ST6GALNAC3: variants seen among roughly 807,000 people sequenced by gnomAD.
The protein encoded by ST6GALNAC3 is alpha-N-acetylgalactosaminide alpha-2,6-sialyltransferase 3.
A neutral mutation model predicts 32.7 loss-of-function variants in ST6GALNAC3; 25 were observed. That is an observed-to-expected ratio of 0.76 (90% CI 0.56 to 1.07). The LOEUF is 1.07. Among genes scored for constraint, ST6GALNAC3 ranks in the 50% least tolerant of loss-of-function variants. The probability of loss-of-function intolerance (pLI) is 0.00; values close to 1 mark genes in which losing one functional copy is unlikely to be tolerated. For synonymous variants in ST6GALNAC3, 129 were observed against 133.1 expected, an observed-to-expected ratio of 0.97 and a Z score of 0.21; for missense variants, 355 against 382.4, an observed-to-expected ratio of 0.93 and a Z score of 0.60.
At chr1:76,556,846 C>T (rs536543366) in intron 3 of ST6GALNAC3, among the ~76,000 whole-genome samples, 1 of 152,188 alleles carries the variant, frequency 6.6e-6, no homozygotes, top group East Asian at 1.9e-4. Context: ...TGCCAGTGTG[C>T]TTTGAACACA....
At chr1:76,551,720 C>T (rs1323910663) in intron 3 of ST6GALNAC3, among the ~76,000 whole-genome samples, 1 of 152,164 alleles carries the variant, frequency 6.6e-6, no homozygotes, top group Non-Finnish European at 1.5e-5. Context: ...ATTTACGATA[C>T]ATTTTTGTAA....
intron 3 of ST6GALNAC3, among the ~76,000 whole-genome samples, chr1:76,484,450 T>C (rs1383072215): frequency 2.6e-5 from 4 of 152,274 alleles, no homozygotes; most frequent in Admixed American, 1.3e-4. Flanking sequence ...CCCTTGTAAG[T>C]TGGATTTCTA....
At chr1:76,590,033 C>G (rs1647023324) in intron 3 of ST6GALNAC3, among the ~76,000 whole-genome samples, 1 of 152,070 alleles carries the variant, frequency 6.6e-6, no homozygotes, top group Non-Finnish European at 1.5e-5. Flanking sequence ...TAATTCTGGC[C>G]AGGTTCAATG....
At chr1:76,357,802 C>A (rs1324719224) in intron 2 of ST6GALNAC3, among the ~76,000 whole-genome samples, 3 of 152,096 alleles carry the variant, frequency 2.0e-5, no homozygotes, top group African/African-American at 4.8e-5. Flanking sequence ...TTTTCAATGG[C>A]CTAGTTTTTC....
In ST6GALNAC3 at chr1:76,630,612, G is replaced by A. The variant is rs1478380295; in HGVS notation, c.*1806G>A. The A allele has an allele frequency of 2.0e-6, 2 of 985,464 alleles. No individual in the cohort carries two copies. The highest frequency in any genetic ancestry group is 6.2e-5 in the Admixed American group (1 of 16,204). The allele number at this position is 985,464 out of a possible 1,614,324, so 61.0% of individuals were successfully genotyped here. ...CATTTCACTTCAGAAGCACTTGTAG[G>A]TCTTTACTAGTGCTAAGTATTATGG... On this transcript the variant is annotated 3_prime_UTR_variant, in exon 5 of 5. Transcript: ENST00000328299.
chr1:76,423,447 A>G (rs908337781), intron 3 of ST6GALNAC3, among the ~76,000 whole-genome samples: 1 of 151,942 alleles, frequency 6.6e-6, no homozygotes, highest in Non-Finnish European at 1.5e-5. Context: ...AGAAGGTGGT[A>G]TGAGGGAAGC....
chr1:76,429,037 G>A (rs970051924), intron 3 of ST6GALNAC3, among the ~76,000 whole-genome samples: 2 of 152,058 alleles, frequency 1.3e-5, no homozygotes, highest in Admixed American at 1.3e-4. Context: ...AAGTTTCTCA[G>A]ATTGTGTCAT....
At chr1:76,132,220 G>T (rs1375923077) in intron 1 of ST6GALNAC3, among the ~76,000 whole-genome samples, 1 of 152,182 alleles carries the variant, frequency 6.6e-6, no homozygotes, top group Non-Finnish European at 1.5e-5. Flanking sequence ...TTTTTAAAAG[G>T]AGTCAGAATA....
chr1:76,447,873 G>C (rs1657098589), intron 3 of ST6GALNAC3, among the ~76,000 whole-genome samples: 1 of 152,118 alleles, frequency 6.6e-6, no homozygotes, highest in South Asian at 2.1e-4. Flanking sequence ...TGCTGCAGGG[G>C]TGGAGAACCT....
At chr1:76,119,869 GGCAGGTCC>G (rs936817366) in intron 1 of ST6GALNAC3, among the ~76,000 whole-genome samples, 2 of 107,496 alleles carry the variant, frequency 1.9e-5, no homozygotes, top group Admixed American at 2.0e-4. Flanking sequence ...GTCCTTAACT[GGCAGGTCC>G]GTGGGACTGT....
At chr1:76,261,522 T>G (rs993937694) in intron 1 of ST6GALNAC3, among the ~76,000 whole-genome samples, 1 of 152,202 alleles carries the variant, frequency 6.6e-6, no homozygotes, top group Non-Finnish European at 1.5e-5. Context: ...TCCCTACCAC[T>G]TACCTGCCAC....
chr1:76,439,998 T>C (rs1180525301), intron 3 of ST6GALNAC3, among the ~76,000 whole-genome samples: 2 of 152,264 alleles, frequency 1.3e-5, no homozygotes, highest in African/African-American at 4.8e-5. Context: ...TGTTTACGTA[T>C]GTTACATGTA....
intron 1 of ST6GALNAC3, among the ~76,000 whole-genome samples, chr1:76,251,752 C>T (rs973306252): frequency 3.9e-5 from 6 of 152,090 alleles, no homozygotes; most frequent in Non-Finnish European, 7.4e-5. Context: ...TCCTCTGATG[C>T]ATTTTTCAAT....
At chr1:76,607,044 A>G (rs1296305816) in intron 3 of ST6GALNAC3, among the ~76,000 whole-genome samples, 2 of 152,070 alleles carry the variant, frequency 1.3e-5, no homozygotes, top group Non-Finnish European at 2.9e-5. Context: ...TTTCTGACCA[A>G]CCAACAATAA....
chr1:76,375,831 G>A (rs1390887788), intron 2 of ST6GALNAC3, among the ~76,000 whole-genome samples: 1 of 152,204 alleles, frequency 6.6e-6, no homozygotes, highest in Non-Finnish European at 1.5e-5. Context: ...AAACAAGGAA[G>A]CTCTGTCACT....
intron 3 of ST6GALNAC3, among the ~76,000 whole-genome samples, chr1:76,608,600 T>TGTGC (rs1413732806): frequency 2.3e-5 from 1 of 43,636 alleles, no homozygotes; most frequent in African/African-American, 2.1e-4. Flanking sequence ...GCTGGAAATG[T>TGTGC]GTGTGTGTGT....
At chr1:76,626,172 A>G (rs1648955945) in intron 3 of ST6GALNAC3, among the ~76,000 whole-genome samples, 1 of 151,880 alleles carries the variant, frequency 6.6e-6, no homozygotes, top group Non-Finnish European at 1.5e-5. Context: ...ATGTGCATCA[A>G]CAATATTGAG....
chr1:76,451,462 T>A (rs4414090), intron 3 of ST6GALNAC3, among the ~76,000 whole-genome samples: 91,986 of 152,028 alleles, frequency 0.61, 28,529 homozygotes, highest in Admixed American at 0.67. Context: ...CCACTGGGTG[T>A]CTCCCAGGAC....
chr1:76,237,139 A>G (rs1656701299), intron 1 of ST6GALNAC3, among the ~76,000 whole-genome samples: 1 of 152,174 alleles, frequency 6.6e-6, no homozygotes, highest in Admixed American at 6.5e-5. Flanking sequence ...GGATCAATGA[A>G]TCATTGAAGA....
Sources: gnomAD v4.1 joint callset for allele counts (sites outside exome capture counted in the v4.1 genomes callset) on GRCh38, gnomAD v4.1.1 for gene constraint, MANE v1.5 for transcripts, NCBI Gene and HGNC (gene_info 2026-07-23, HGNC 2026-07-21) for gene names.